Variants in SNTG1 observed in about 807,000 individuals in gnomAD.
SNTG1 encodes gamma-1-syntrophin.
In SNTG1, 39 loss-of-function variants were observed where a neutral mutation model predicts 74.7. That is an observed-to-expected ratio of 0.52 (90% CI 0.40 to 0.68). The LOEUF is 0.68. Among genes scored for constraint, SNTG1 ranks in the 30% least tolerant of loss-of-function variants. The pLI is 0.00. For missense variants in SNTG1, 685 were observed against 609.5 expected, an observed-to-expected ratio of 1.12 and a Z score of -1.30; for synonymous variants, 254 against 217.1, an observed-to-expected ratio of 1.17 and a Z score of -1.49.
intron 1 of SNTG1, among the ~76,000 whole-genome samples, chr8:50,136,369 A>G (rs915074336): frequency 1.3e-5 from 2 of 152,172 alleles, no homozygotes; most frequent in African/African-American, 4.8e-5. Context: ...TCCCACAACA[A>G]TGAAAGCATA....
At chr8:50,035,526 G>C (rs952380576) in intron 1 of SNTG1, among the ~76,000 whole-genome samples, 1 of 152,170 alleles carries the variant, frequency 6.6e-6, no homozygotes, top group Non-Finnish European at 1.5e-5. Context: ...AAACATAGAA[G>C]TCAAATATTT....
chr8:50,293,430 G>T (rs76374417), intron 2 of SNTG1, among the ~76,000 whole-genome samples: 4 of 138,272 alleles, frequency 2.9e-5, no homozygotes, highest in Admixed American at 7.5e-5. Flanking sequence ...TTTTTTTTTA[G>T]ACTGAGTCTT....
intron 2 of SNTG1, among the ~76,000 whole-genome samples, chr8:50,265,818 T>TA (rs750281440): frequency 6.6e-5 from 10 of 150,934 alleles, no homozygotes; most frequent in African/African-American, 2.2e-4. Flanking sequence ...TTAAATGAAA[T>TA]AAAAAAACAA....
Position 50,593,032 on chromosome 8 carries a change from A to G in SNTG1, c.849+2115A>G, listed in dbSNP as rs148066038. On this transcript the variant is annotated intron_variant, in intron 13 of 18. Coordinates refer to ENST00000642720, the MANE Select transcript of SNTG1 (RefSeq NM_018967.5). Reference sequence around the variant, plus strand: ...AAATCTGAGCCAGTTTTAAAAACACATATAATCCCATTTCTGATGATATCT... The same window carrying G: ...AAATCTGAGCCAGTTTTAAAAACACGTATAATCCCATTTCTGATGATATCT... 4.5e-3 allele frequency among the ~76,000 whole-genome samples: 690 copies of G among 152,314 alleles called. 5 individuals carry two copies. Among genetic ancestry groups the G allele is most frequent in the African/African-American group, 0.015 (644 of 41,568 alleles).
chr8:50,489,162 T>G lies in SNTG1; in HGVS notation c.364-13616T>G, dbSNP rs528864100. Among the ~76,000 whole-genome samples the G allele has an allele frequency of 3.3e-5, 5 of 152,368 alleles. No homozygotes were observed. In the East Asian group the frequency reaches 9.6e-4, roughly 29 times the overall value. On this transcript the variant is annotated intron_variant, in intron 8 of 18. Coordinates refer to ENST00000642720, the MANE Select transcript of SNTG1 (RefSeq NM_018967.5). ...ATGGTGTATATGTGCCACATTTTCT[T>G]TATTCAGTCTATCATTGATGGACAT... is the stretch of plus-strand genomic sequence containing the variant.
chr8:50,296,187 C>G (rs2089361469), intron 2 of SNTG1, among the ~76,000 whole-genome samples: 1 of 151,994 alleles, frequency 6.6e-6, no homozygotes. Context: ...AAAAACAAAA[C>G]AGTGAAAGAC....
chr8:50,654,277 T>G (rs2095167070), intron 13 of SNTG1, among the ~76,000 whole-genome samples: 1 of 152,162 alleles, frequency 6.6e-6, no homozygotes, highest in African/African-American at 2.4e-5. Flanking sequence ...TTTTCCAAAC[T>G]TTTGTCTCTC....
intron 18 of SNTG1, among the ~76,000 whole-genome samples, chr8:50,752,325 A>G (rs1361197360): frequency 6.6e-6 from 1 of 151,982 alleles, no homozygotes; most frequent in Non-Finnish European, 1.5e-5. Flanking sequence ...ACACAAAACT[A>G]ATTGCATTTC....
chr8:50,166,756 G>A (rs957447704), intron 1 of SNTG1, among the ~76,000 whole-genome samples: 1 of 131,524 alleles, frequency 7.6e-6, no homozygotes, highest in Non-Finnish European at 1.6e-5. Context: ...ATTTGACCCA[G>A]CCATCCCATT....
chr8:50,079,578 T>C (rs1313084533), intron 1 of SNTG1, among the ~76,000 whole-genome samples: 1 of 152,292 alleles, frequency 6.6e-6, no homozygotes, highest in Middle Eastern at 3.4e-3. Flanking sequence ...TTAGATCCCA[T>C]TTGTCAATTT....
At chr8:49,920,222 T>C (rs1483335069) in intron 1 of SNTG1, among the ~76,000 whole-genome samples, 1 of 152,016 alleles carries the variant, frequency 6.6e-6, no homozygotes, top group Non-Finnish European at 1.5e-5. Context: ...TTTGGGAAAA[T>C]GTAACCCTAC....
At chr8:50,066,667 T>A (rs1239543977) in intron 1 of SNTG1, among the ~76,000 whole-genome samples, 1 of 152,238 alleles carries the variant, frequency 6.6e-6, no homozygotes, top group African/African-American at 2.4e-5. Context: ...CCATGTTCCA[T>A]GTTGTAAATC....
At chr8:49,944,058 T>TA (rs1808935422) in intron 1 of SNTG1, among the ~76,000 whole-genome samples, 1 of 152,198 alleles carries the variant, frequency 6.6e-6, no homozygotes, top group Non-Finnish European at 1.5e-5. Flanking sequence ...ATAATAATTT[T>TA]AAAAAATATG....
chr8:50,660,447 AAAG>A (rs1187625659), intron 15 of SNTG1, among the ~76,000 whole-genome samples: 1 of 149,614 alleles, frequency 6.7e-6, no homozygotes, highest in East Asian at 2.0e-4. Context: ...GAAAGAGAAA[AAAG>A]AAAGGGAGGA....
At chr8:50,665,117 A>G (rs2095244345) in intron 15 of SNTG1, among the ~76,000 whole-genome samples, 1 of 152,168 alleles carries the variant, frequency 6.6e-6, no homozygotes, top group Admixed American at 6.6e-5. Flanking sequence ...AGTGAGCAAT[A>G]CAGTCACACT....
At chr8:50,644,490 C>T (rs1366205357) in intron 13 of SNTG1, 1 of 152,122 alleles carries the variant, frequency 6.6e-6, no homozygotes, top group Non-Finnish European at 1.5e-5. Flanking sequence ...TTTTCTTAAT[C>T]ACATTTTCTC....
intron 1 of SNTG1, among the ~76,000 whole-genome samples, chr8:49,975,176 A>T (rs1257233298): frequency 2.0e-5 from 3 of 152,168 alleles, no homozygotes; most frequent in Non-Finnish European, 4.4e-5. Flanking sequence ...ATTAAAAGAA[A>T]TTTCTTAATA....
intron 1 of SNTG1, among the ~76,000 whole-genome samples, chr8:49,959,531 T>C (rs73569350): frequency 0.023 from 3,565 of 152,340 alleles, 137 homozygotes; most frequent in African/African-American, 0.079. Context: ...TTCATATAAA[T>C]GGAATCATAC....
chr8:49,919,169 C>G (rs1585498126), intron 1 of SNTG1, among the ~76,000 whole-genome samples: 1 of 152,136 alleles, frequency 6.6e-6, no homozygotes, highest in East Asian at 1.9e-4. Flanking sequence ...ACCTCCTTAC[C>G]AGTTATAGTT....
Sources: gnomAD v4.1 joint callset for allele counts (sites outside exome capture counted in the v4.1 genomes callset) on GRCh38, gnomAD v4.1.1 for gene constraint, MANE v1.5 for transcripts, NCBI Gene and HGNC (gene_info 2026-07-23, HGNC 2026-07-21) for gene names.